The following ANKHD1 variants were observed in gnomAD, a reference collection of about 807,000 sequenced individuals.
ANKHD1 encodes the protein ankyrin repeat and KH domain-containing protein 1.
ANKHD1 carries 31 observed loss-of-function variants against 230.5 expected under a neutral mutation model. The ratio of observed to expected loss-of-function variants is 0.13; its 90% CI spans 0.10 to 0.18. ANKHD1 has a LOEUF of 0.18. Ranked by LOEUF, ANKHD1 falls within the 10% of genes least tolerant of loss-of-function variation. The pLI is 1.00. For synonymous variants in ANKHD1, 1,074 were observed against 1,117.6 expected (o/e 0.96, Z 0.78); for missense variants, 2,256 against 3,071.3 (o/e 0.73, Z 6.27).
Position 140,402,132 on chromosome 5 carries a change from A to C in ANKHD1, c.165A>C (p.Gly55=), listed in dbSNP as rs953900550. Residue 55 remains glycine (G), a synonymous_variant, in exon 1 of 34, where the codon GGA becomes GGC. Transcript: ENST00000360839. The part of the protein sequence containing the change: ...RLFGEAGPAS[G]VGSSGGGGSG... ...TTGGGGAGGCCGGGCCAGCGTCGGG[A>C]GTCGGCAGCAGCGGCGGCGGCGGCA... 7.8e-6 allele frequency: 12 copies of C among 1,543,312 alleles called. No homozygotes were observed. Among genetic ancestry groups the C allele is most frequent in the African/African-American group, 1.4e-5 (1 of 70,404 alleles).
At chr5:140,494,008 A>G (rs953097830) in intron 14 of ANKHD1, among the ~76,000 whole-genome samples, 2 of 152,218 alleles carry the variant, frequency 1.3e-5, no homozygotes, top group Non-Finnish European at 2.9e-5. Flanking sequence ...CTTAAATACA[A>G]ATTGCTTAGT....
chr5:140,500,599 G>A (rs1415778370), intron 15 of ANKHD1, among the ~76,000 whole-genome samples: 2 of 128,300 alleles, frequency 1.6e-5, no homozygotes, highest in African/African-American at 5.9e-5. Context: ...AGTCAGCCAA[G>A]ATCACACCAC....
At chr5:140,537,719 G>T in intron 31 of ANKHD1, 130 bp downstream of exon 31, 1 of 1,364,188 alleles carries the variant, frequency 7.3e-7, no homozygotes, top group Non-Finnish European at 9.6e-7. Flanking sequence ...AATTAGGGAA[G>T]GGTGTTTATA....
At chr5:140,512,949 C>CA in intron 23 of ANKHD1, 26 bp downstream of exon 23, 2 of 1,556,408 alleles carry the variant, frequency 1.3e-6, no homozygotes, top group Non-Finnish European at 1.7e-6. Flanking sequence ...TACTGAAGCA[C>CA]ATTTTTGTTC....
rs909418482 is a variant in ANKHD1, at chr5:140,506,166, T to G, written c.3408+297T>G. Among the ~76,000 whole-genome samples the G allele has an allele frequency of 6.6e-6, 1 of 152,166 alleles. No homozygotes were observed. Among genetic ancestry groups the G allele is most frequent in the Non-Finnish European group, 1.5e-5 (1 of 68,034 alleles). Reference sequence around the variant, plus strand: ...ATTTCAAACTCCTGGCCTCAAGCAATCCTCTCTCCTCGGCCTCCCAAAGTA... The same window carrying G: ...ATTTCAAACTCCTGGCCTCAAGCAAGCCTCTCTCCTCGGCCTCCCAAAGTA... On this transcript the variant is annotated intron_variant, in intron 18 of 33. Coordinates refer to ENST00000360839, the MANE Select transcript of ANKHD1 (RefSeq NM_017747.3). This position sits in a 1 kb window ranked among gnomAD's most constrained non-coding sequence, Gnocchi z 4.7.
At chr5:140,409,463 A>C (rs2126843491) in intron 1 of ANKHD1, among the ~76,000 whole-genome samples, 1 of 152,340 alleles carries the variant, frequency 6.6e-6, no homozygotes, top group South Asian at 2.1e-4. Flanking sequence ...AACATAGGAA[A>C]TATAACTTTG....
intron 10 of ANKHD1, 113 bp downstream of exon 10, chr5:140,464,889 A>T: frequency 1.8e-6 from 2 of 1,119,744 alleles, no homozygotes; most frequent in Admixed American, 3.2e-5. Context: ...ACAGTAACTT[A>T]AAAAAGCTTG....
intron 30 of ANKHD1, 146 bp downstream of exon 30, chr5:140,535,684 G>A: frequency 8.6e-7 from 1 of 1,168,476 alleles, no homozygotes; most frequent in Non-Finnish European, 1.1e-6. Context: ...TGAAAAAATT[G>A]TCAGTCATTT....
chr5:140,491,160 A>ATATTTTT (rs1282293062), intron 14 of ANKHD1, among the ~76,000 whole-genome samples: 11 of 45,656 alleles, frequency 2.4e-4, no homozygotes, highest in African/African-American at 3.9e-4. Flanking sequence ...ATATATATAT[A>ATATTTTT]TTTTTTTTTT....
chr5:140,454,556 A>T (rs1193749032), intron 7 of ANKHD1, among the ~76,000 whole-genome samples: 1 of 152,204 alleles, frequency 6.6e-6, no homozygotes, highest in Non-Finnish European at 1.5e-5. Flanking sequence ...GGATTAAGAA[A>T]CTCACTCAAA....
Position 140,438,515 on chromosome 5 carries a change from T to G in ANKHD1, c.515T>G (p.Leu172Arg). The change falls in exon 3 of 34, where the codon CTC becomes CGC. Residue 172 changes from leucine (L) to arginine (R), a missense_variant. Coordinates refer to ENST00000360839, the MANE Select transcript of ANKHD1 (RefSeq NM_017747.3). ...AAAGCTTTTGCAGATCCTGAGGTAC[T>G]CCGGAGACTGACATCCTCAGTTAGT... The part of the protein sequence containing the change: ...DGKAFADPEV[L>R]RRLTSSVSCA... 6.2e-7 allele frequency: 1 copy of G among 1,613,490 alleles called. No homozygotes were observed. Among genetic ancestry groups the G allele is most frequent in the East Asian group, 2.2e-5 (1 of 44,876 alleles).
chr5:140,535,600 C>T (rs1022157673), intron 30 of ANKHD1, 62 bp downstream of exon 30: 1 of 1,494,220 alleles, frequency 6.7e-7, no homozygotes, highest in Non-Finnish European at 8.9e-7. Flanking sequence ...TCATTTATTT[C>T]AGTTACAACA....
intron 2 of ANKHD1, among the ~76,000 whole-genome samples, chr5:140,437,136 T>C (rs532252864): frequency 1.3e-5 from 2 of 152,258 alleles, no homozygotes; most frequent in East Asian, 3.9e-4. Flanking sequence ...CAAAATACAA[T>C]TTTTTTCCCC....
intron 11 of ANKHD1, among the ~76,000 whole-genome samples, chr5:140,482,998 CAG>C (rs1279363785): frequency 2.6e-5 from 4 of 152,110 alleles, no homozygotes; most frequent in Admixed American, 6.6e-5. Flanking sequence ...GGGTGGAGGA[CAG>C]AGAGTAAGTC....
intron 10 of ANKHD1, among the ~76,000 whole-genome samples, chr5:140,469,122 C>G (rs893575091): frequency 2.0e-5 from 3 of 151,834 alleles, no homozygotes; most frequent in African/African-American, 7.3e-5. Context: ...TTCTCTCCTT[C>G]TCTCCCACCC....
rs1485937441 is a variant in ANKHD1 at position 140,485,803 on chromosome 5, CAGTTTTA to C, written c.2142+74_2142+80del. The C allele has an allele frequency of 5.7e-6, 9 of 1,575,246 alleles. No homozygotes were observed. The East Asian group carries it at 2.0e-4, about 36-fold the overall frequency. On this transcript the variant is annotated intron_variant, in intron 13 of 33. Transcript: ENST00000360839. This position sits in a 1 kb window ranked among gnomAD's most constrained non-coding sequence, Gnocchi z 4.8. Reference sequence around the variant, plus strand: ...ATGATTAGAAGTTTTTGTTTAAAATCAGTTTTAAGCAAAATGGACTTGTTTTTATTCT... The same window carrying C: ...ATGATTAGAAGTTTTTGTTTAAAATCAGCAAAATGGACTTGTTTTTATTCT...
chr5:140,507,535 G>A lies in ANKHD1; in HGVS notation c.3552-250G>A, dbSNP rs532139356. ...TTGGTCAGGCTGGTCTCAAACTCCC[G>A]ACCTCAGGTGATCTGCCCTCCTTGG... On this transcript the variant is annotated intron_variant, in intron 19 of 33. Transcript: ENST00000360839. The surrounding 1 kb of genome is among the most constrained non-coding windows in gnomAD (Gnocchi z 4.1). 2.6e-5 allele frequency among the ~76,000 whole-genome samples: 4 copies of A among 152,268 alleles called. No individual in the cohort carries two copies. Among genetic ancestry groups the A allele is most frequent in the African/African-American group, 9.6e-5 (4 of 41,554 alleles).
chr5:140,452,814 T>G (rs1581266673), intron 7 of ANKHD1, among the ~76,000 whole-genome samples: 1 of 151,770 alleles, frequency 6.6e-6, no homozygotes, highest in South Asian at 2.1e-4. Context: ...AGAGCAACTC[T>G]CCCCCTCCAA....
chr5:140,444,023 A>C (rs1395516248), intron 5 of ANKHD1, among the ~76,000 whole-genome samples: 1 of 145,974 alleles, frequency 6.9e-6, no homozygotes, highest in Non-Finnish European at 1.5e-5. Flanking sequence ...CAGTACCTTT[A>C]TTTTTAAAAA....
Sources: gnomAD v4.1 joint callset for allele counts (sites outside exome capture counted in the v4.1 genomes callset) on GRCh38, gnomAD v4.1.1 for gene constraint, Gnocchi (gnomAD v3.1) non-coding constraint, MANE v1.5 for transcripts, NCBI Gene and HGNC (gene_info 2026-07-23, HGNC 2026-07-21) for gene names.